KALRN: variants seen among roughly 807,000 people sequenced by gnomAD.
KALRN encodes the protein kalirin RhoGEF kinase.
Under a neutral mutation model 353.7 loss-of-function variants are expected in KALRN, and 70 were observed. That is an observed-to-expected ratio of 0.20 (90% confidence interval 0.16 to 0.24). KALRN has a LOEUF of 0.24. KALRN is among the 10% of genes least tolerant of loss of function. The pLI, the probability that KALRN is intolerant of heterozygous loss-of-function variation, is 1.00. For missense variants in KALRN, 2,791 were observed against 3,756.7 expected (o/e 0.74, Z 6.72); for synonymous variants, 1,391 against 1,434.8 (o/e 0.97, Z 0.69).
chr3:124,120,894 C>A (rs987104711), intron 1 of KALRN, among the ~76,000 whole-genome samples: 8 of 150,540 alleles, frequency 5.3e-5, no homozygotes, highest in African/African-American at 2.0e-4. Context: ...GAGTTTGAGA[C>A]CAGCCTGGCC....
intron 8 of KALRN, among the ~76,000 whole-genome samples, chr3:124,332,447 G>A (rs1213835832): frequency 1.3e-5 from 2 of 152,062 alleles, no homozygotes; most frequent in African/African-American, 4.8e-5. Context: ...TTTGGGGAAG[G>A]CTCCAAGCCA....
intron 5 of KALRN, among the ~76,000 whole-genome samples, chr3:124,282,897 C>T (rs556914217): frequency 1.9e-4 from 29 of 152,292 alleles, no homozygotes; most frequent in African/African-American, 6.5e-4. Flanking sequence ...GTCTGAGCCC[C>T]ATTGCAGAGG....
chr3:124,344,195 A>G (rs976722743), intron 9 of KALRN, among the ~76,000 whole-genome samples: 5 of 152,244 alleles, frequency 3.3e-5, no homozygotes, highest in Admixed American at 1.3e-4. Flanking sequence ...GGATTTGACT[A>G]GAAAGTCAAT....
At chr3:124,672,249 G>A (rs973773518) in intron 48 of KALRN, among the ~76,000 whole-genome samples, 6 of 152,180 alleles carry the variant, frequency 3.9e-5, no homozygotes, top group African/African-American at 1.4e-4. Flanking sequence ...CACCCGGCCA[G>A]GAAGTAGCAT....
At chr3:124,097,909 A>G (rs1001201231) in intron 1 of KALRN, among the ~76,000 whole-genome samples, 1 of 152,160 alleles carries the variant, frequency 6.6e-6, no homozygotes. Context: ...TGCTGATTGT[A>G]TTCTGTGCTT....
intron 34 of KALRN, among the ~76,000 whole-genome samples, chr3:124,586,965 G>A (rs1208811643): frequency 6.6e-6 from 1 of 152,198 alleles, no homozygotes; most frequent in Non-Finnish European, 1.5e-5. Flanking sequence ...TCTCCACTCA[G>A]CCTGTAGGCA....
At chr3:124,409,229 T>C (rs1326932842) in intron 13 of KALRN, among the ~76,000 whole-genome samples, 2 of 152,182 alleles carry the variant, frequency 1.3e-5, no homozygotes, top group East Asian at 1.9e-4. Flanking sequence ...GCAAAATAGG[T>C]TGACTGAAAG....
At chr3:124,595,244 A>T (rs1433777632) in intron 34 of KALRN, among the ~76,000 whole-genome samples, 2 of 152,082 alleles carry the variant, frequency 1.3e-5, no homozygotes, top group African/African-American at 2.4e-5. Flanking sequence ...TTCACCTAAC[A>T]TATTGAACGA....
chr3:124,400,731 T>C (rs1315415407), intron 13 of KALRN, among the ~76,000 whole-genome samples: 1 of 152,194 alleles, frequency 6.6e-6, no homozygotes, highest in African/African-American at 2.4e-5. Context: ...AAATACAGGC[T>C]AAGTTGATTA....
rs144667540 is a variant in KALRN at position 124,474,724 on chromosome 3, G to A, written c.4093G>A (p.Val1365Ile). 5.0e-6 allele frequency: 8 copies of A among 1,613,540 alleles called. No homozygotes were observed. The highest frequency in any genetic ancestry group is 5.9e-6 in the Non-Finnish European group (7 of 1,179,580). ...GCCTGAGGATGTGGGACACTGCTTTGTTACCTGGGTAACCAACCTGAAATC... is the reference window on the plus strand; with the variant it reads ...GCCTGAGGATGTGGGACACTGCTTTATTACCTGGGTAACCAACCTGAAATC... ...QLPEDVGHCFVTWADKFQMYV... is the reference protein window; with the variant it reads ...QLPEDVGHCFITWADKFQMYV... Residue 1365 changes from valine (V) to isoleucine (I), a missense_variant, in exon 26 of 60, where the codon GTT becomes ATT. Val to Ile is a conservative substitution (Grantham distance 29). Coordinates refer to ENST00000682506, the MANE Select transcript of KALRN (RefSeq NM_001388419.1).
intron 57 of KALRN, among the ~76,000 whole-genome samples, chr3:124,707,588 T>C (rs575460620): frequency 6.6e-6 from 1 of 152,076 alleles, no homozygotes; most frequent in South Asian, 2.1e-4. Flanking sequence ...CAGCAAAAAC[T>C]CCAAGAAAAC....
chr3:124,325,331 A>G (rs1052802806), intron 6 of KALRN, among the ~76,000 whole-genome samples: 1 of 152,168 alleles, frequency 6.6e-6, no homozygotes, highest in East Asian at 1.9e-4. Context: ...AGGGCTTCAC[A>G]GACCTTATTA....
chr3:124,700,772 T>C (rs185156326), intron 56 of KALRN, among the ~76,000 whole-genome samples: 1 of 152,204 alleles, frequency 6.6e-6, no homozygotes, highest in East Asian at 1.9e-4. Flanking sequence ...ACCATGGACC[T>C]GTGTGCCTTA....
chr3:124,590,415 C>A (rs899734127), intron 34 of KALRN, among the ~76,000 whole-genome samples: 1 of 151,984 alleles, frequency 6.6e-6, no homozygotes, highest in Non-Finnish European at 1.5e-5. Context: ...ATAAAAGGTG[C>A]AAATTATGAC....
chr3:124,484,794 T>TA (rs2062373794), intron 28 of KALRN, among the ~76,000 whole-genome samples: 1 of 152,240 alleles, frequency 6.6e-6, no homozygotes, highest in South Asian at 2.1e-4. Flanking sequence ...TCCCACTTGA[T>TA]GCTTGGCCTT....
chr3:124,481,470 G>A (rs2061978905), intron 27 of KALRN, among the ~76,000 whole-genome samples: 1 of 152,154 alleles, frequency 6.6e-6, no homozygotes, highest in African/African-American at 2.4e-5. Flanking sequence ...GCCTCCCAAA[G>A]TGCTGGGATT....
chr3:124,241,946 G>A (rs577150885), intron 3 of KALRN, among the ~76,000 whole-genome samples: 1 of 152,340 alleles, frequency 6.6e-6, no homozygotes, highest in East Asian at 1.9e-4. Flanking sequence ...ATGAAGGGGT[G>A]TCAGGTTAAG....
intron 34 of KALRN, among the ~76,000 whole-genome samples, chr3:124,607,767 C>A (rs1241693732): frequency 6.6e-6 from 1 of 152,004 alleles, no homozygotes; most frequent in East Asian, 1.9e-4. Context: ...TAGACATGTA[C>A]CACTATGCCT....
chr3:124,706,098 G>T (rs1024488607), intron 57 of KALRN, among the ~76,000 whole-genome samples: 1 of 152,064 alleles, frequency 6.6e-6, no homozygotes, highest in Non-Finnish European at 1.5e-5. Context: ...ATAGAGACAA[G>T]GTCTCCCTAT....
Sources: gnomAD v4.1 joint callset for allele counts (sites outside exome capture counted in the v4.1 genomes callset) on GRCh38, gnomAD v4.1.1 for gene constraint, MANE v1.5 for transcripts, NCBI Gene and HGNC (gene_info 2026-07-23, HGNC 2026-07-21) for gene names.